SUSD1: variants seen among roughly 807,000 people sequenced by gnomAD.
The protein encoded by SUSD1 is sushi domain-containing protein 1.
SUSD1 carries 65 observed loss-of-function variants against 86.9 expected under a neutral mutation model. The observed-to-expected ratio is 0.75, with a 90% confidence interval of 0.61 to 0.92. SUSD1 has a LOEUF of 0.92. Among genes scored for constraint, SUSD1 ranks in the 40% least tolerant of loss-of-function variants. The probability of loss-of-function intolerance (pLI) is 0.00; values close to 1 mark genes in which losing one functional copy is unlikely to be tolerated. For missense variants in SUSD1, 850 were observed against 929.7 expected (o/e 0.91, Z 1.11); for synonymous variants, 346 against 350.0 (o/e 0.99, Z 0.13).
chr9:112,059,006 C>A (rs772309851), intron 13 of SUSD1, among the ~76,000 whole-genome samples: 1 of 152,216 alleles, frequency 6.6e-6, no homozygotes, highest in African/African-American at 2.4e-5. Context: ...GTTGGCCAGG[C>A]TTGTCTCGAT....
intron 10 of SUSD1, among the ~76,000 whole-genome samples, chr9:112,093,951 T>A (rs1402234224): frequency 6.6e-6 from 1 of 152,204 alleles, no homozygotes; most frequent in Non-Finnish European, 1.5e-5. Flanking sequence ...TATTTCAGTC[T>A]TTCTTTTCTT....
intron 10 of SUSD1, among the ~76,000 whole-genome samples, chr9:112,092,649 G>A (rs1245072022): frequency 2.6e-5 from 4 of 151,608 alleles, no homozygotes; most frequent in African/African-American, 7.3e-5. Flanking sequence ...ACCTATTATC[G>A]TTTATTTTAT....
At chr9:112,132,894 T>C (rs552992655) in intron 5 of SUSD1, among the ~76,000 whole-genome samples, 1 of 152,332 alleles carries the variant, frequency 6.6e-6, no homozygotes, top group South Asian at 2.1e-4. Flanking sequence ...CATGATCCTT[T>C]GGGCACTAAA....
chr9:112,172,205 A>T (rs1022301514), intron 1 of SUSD1, among the ~76,000 whole-genome samples: 4 of 151,982 alleles, frequency 2.6e-5, no homozygotes, highest in African/African-American at 9.7e-5. Context: ...TCAAAAAAAA[A>T]AAAAAAGAGT....
intron 6 of SUSD1, among the ~76,000 whole-genome samples, chr9:112,116,461 T>TGATTCC (rs1831329296): frequency 6.6e-6 from 1 of 152,244 alleles, no homozygotes; most frequent in South Asian, 2.1e-4. Context: ...CTCATTCCAA[T>TGATTCC]AGTGCTGATA....
intron 6 of SUSD1, among the ~76,000 whole-genome samples, chr9:112,114,740 C>T (rs1483878962): frequency 6.6e-6 from 1 of 152,134 alleles, no homozygotes; most frequent in African/African-American, 2.4e-5. Flanking sequence ...TGCTGCAGCA[C>T]CCACACCCCA....
chr9:112,053,512 TCA>T (rs1491343540), intron 14 of SUSD1, among the ~76,000 whole-genome samples: 1 of 13,174 alleles, frequency 7.6e-5, no homozygotes, highest in Non-Finnish European at 1.6e-4. Context: ...AGACTTCGTC[TCA>T]AAAAAAAAAA....
Position 112,131,382 on chromosome 9 carries a change from A to G in SUSD1, c.707-6946T>C, listed in dbSNP as rs146732126. Among the ~76,000 whole-genome samples the G allele has an allele frequency of 4.0e-4, 61 of 152,328 alleles. 1 individual carries two copies. Among genetic ancestry groups the G allele is most frequent in the African/African-American group, 1.3e-3 (55 of 41,580 alleles). ...TGTCTCCAAGAGCTTTCCCAGAGCA[A>G]GAGAGCTGCTGGAAATAGATGTCTC... On this transcript the variant is annotated intron_variant, in intron 5 of 16. Transcript: ENST00000374270.
At chr9:112,103,631 C>G (rs190007614) in intron 8 of SUSD1, among the ~76,000 whole-genome samples, 7 of 152,132 alleles carry the variant, frequency 4.6e-5, no homozygotes, top group African/African-American at 1.7e-4. Context: ...CCACTTCCCA[C>G]GCCCAAGCCT....
intron 1 of SUSD1, among the ~76,000 whole-genome samples, chr9:112,163,126 C>T (rs1042032160): frequency 1.3e-5 from 2 of 151,986 alleles, no homozygotes; most frequent in East Asian, 1.9e-4. Flanking sequence ...GTGGCTCACA[C>T]CTGTAATCTC....
At chr9:112,068,521 T>G (rs10981246) in intron 12 of SUSD1, among the ~76,000 whole-genome samples, 2,533 of 152,124 alleles carry the variant, frequency 0.017, 80 homozygotes, top group African/African-American at 0.057. Flanking sequence ...GGCAACATGG[T>G]GAAACCTTGT....
intron 15 of SUSD1, among the ~76,000 whole-genome samples, chr9:112,048,375 A>G (rs1208128177): frequency 6.6e-6 from 1 of 152,204 alleles, no homozygotes; most frequent in East Asian, 1.9e-4. Context: ...GATTGTGTGC[A>G]TGTATATATG....
At chr9:112,061,558 T>C (rs576390238) in intron 13 of SUSD1, among the ~76,000 whole-genome samples, 11 of 152,330 alleles carry the variant, frequency 7.2e-5, no homozygotes, top group African/African-American at 2.2e-4. Flanking sequence ...GACATAAATA[T>C]CACATTTGTT....
At chr9:112,122,004 C>T (rs998426256) in intron 6 of SUSD1, among the ~76,000 whole-genome samples, 1 of 152,192 alleles carries the variant, frequency 6.6e-6, no homozygotes, top group Non-Finnish European at 1.5e-5. Context: ...TTCTAAAATG[C>T]GCCCCACAGA....
intron 10 of SUSD1, among the ~76,000 whole-genome samples, chr9:112,084,216 C>T (rs1407263896): frequency 6.6e-6 from 1 of 151,492 alleles, no homozygotes; most frequent in Non-Finnish European, 1.5e-5. Context: ...TCTGTAATGA[C>T]AAAAACTTGA....
chr9:112,087,192 G>C (rs987361905), intron 10 of SUSD1, among the ~76,000 whole-genome samples: 3 of 151,932 alleles, frequency 2.0e-5, no homozygotes, highest in Non-Finnish European at 4.4e-5. Flanking sequence ...TCTTTTTTGA[G>C]ATGAAGTCTC....
At position 112,173,060 on chromosome 9, in the gene SUSD1, T is replaced by G. The variant is rs570493056; in HGVS notation, c.103+2073A>C. ...GTGTTCAGCCATCTTAGTCTAACAA[T>G]TCAATGGGATCATACTGGACAGTTT... On this transcript the variant is annotated intron_variant, in intron 1 of 16. Transcript: ENST00000374270. Among the ~76,000 whole-genome samples the G allele has an allele frequency of 1.2e-4, 19 of 152,328 alleles. No individual in the cohort carries two copies. In the South Asian group the frequency reaches 3.9e-3, roughly 32 times the overall value.
intron 1 of SUSD1, among the ~76,000 whole-genome samples, chr9:112,167,490 C>T (rs73540409): frequency 0.022 from 3,275 of 152,248 alleles, 115 homozygotes; most frequent in African/African-American, 0.075. Context: ...TAAAGCAACA[C>T]GCAAATATGA....
At chr9:112,152,630 G>T (rs939503255) in intron 2 of SUSD1, among the ~76,000 whole-genome samples, 1 of 142,864 alleles carries the variant, frequency 7.0e-6, no homozygotes, top group Non-Finnish European at 1.5e-5. Context: ...GACTCATCTC[G>T]AACTCCTGGC....
Sources: allele counts gnomAD v4.1 joint callset (sites outside exome capture counted in the v4.1 genomes callset), GRCh38; gene constraint gnomAD v4.1.1; transcripts MANE v1.5; gene names NCBI Gene and HGNC (gene_info 2026-07-23, HGNC 2026-07-21).